PHF7: variants seen among roughly 807,000 people sequenced by gnomAD.
PHF7 encodes E3 ubiquitin-protein ligase PHF7.
In PHF7, 24 loss-of-function variants were observed where a neutral mutation model predicts 47.5. That is an observed-to-expected ratio of 0.51 (90% CI 0.37 to 0.71). The LOEUF (loss-of-function observed/expected upper bound fraction) is 0.71, where lower values mean the gene tolerates loss of function less well. PHF7 is among the 30% of genes least tolerant of loss of function. The pLI is 0.00. For missense variants in PHF7, 361 were observed against 456.8 expected (o/e 0.79, Z 1.91); for synonymous variants, 156 against 153.8 (o/e 1.01, Z -0.11).
chr3:52,419,944 T>C lies in PHF7; in HGVS notation c.288+10T>C, dbSNP rs771431281. 2.6e-6 allele frequency: 4 copies of C among 1,545,288 alleles called. No individual in the cohort carries two copies. In the African/African-American group the frequency reaches 5.5e-5, roughly 21 times the overall value. On this transcript the variant is annotated intron_variant, in intron 5 of 10. Transcript: ENST00000327906. ...CCGGGCTTCTAGGAAGGTTAGAATCTCTTGAAATGAGGACCTTGGGGTAGG... is the reference window on the plus strand; with the variant it reads ...CCGGGCTTCTAGGAAGGTTAGAATCCCTTGAAATGAGGACCTTGGGGTAGG...
At chr3:52,412,647 C>T (rs1453992388) in intron 1 of PHF7, among the ~76,000 whole-genome samples, 164 bp from the exon 2 acceptor site, 2 of 152,228 alleles carry the variant, frequency 1.3e-5, no homozygotes, top group Non-Finnish European at 2.9e-5. Context: ...ATGGTACCTA[C>T]TGCATGGCGT....
At position 52,420,987 on chromosome 3, in the gene PHF7, C is replaced by T. The variant is rs1705771252; in HGVS notation, c.498C>T (p.Asp166=). ...AAAGCTGCATCTTATGTTGTGAAGA[C>T]TTATCCCAACAGAGTGTTGAGAACA... ...GEESCILCCE[D]LSQQSVENIQ... The change falls in exon 7 of 11, where the codon GAC becomes GAT. Residue 166 remains aspartate (D), a synonymous_variant. Transcript: ENST00000327906. The T allele has an allele frequency of 6.2e-7, 1 of 1,613,166 alleles. No individual in the cohort carries two copies.
intron 4 of PHF7, among the ~76,000 whole-genome samples, chr3:52,417,863 G>C (rs1705669778): frequency 6.6e-6 from 1 of 152,134 alleles, no homozygotes; most frequent in South Asian, 2.1e-4. Flanking sequence ...CCCAACATCA[G>C]GGGACAGCAT....
chr3:52,416,615 A>G (rs1465564544), intron 4 of PHF7, among the ~76,000 whole-genome samples: 1 of 151,598 alleles, frequency 6.6e-6, no homozygotes, highest in Non-Finnish European at 1.5e-5. Flanking sequence ...CGAGCAGATC[A>G]AGAGGTCAGG....
chr3:52,415,999 C>T (rs1331110486), intron 4 of PHF7, among the ~76,000 whole-genome samples: 1 of 152,186 alleles, frequency 6.6e-6, no homozygotes, highest in African/African-American at 2.4e-5. Flanking sequence ...ACACTCCTAC[C>T]AGCAATTTAT....
rs764307417 is a variant in PHF7, at chr3:52,423,253, G to A, written c.1082G>A (p.Arg361Lys). The A allele has an allele frequency of 6.2e-7, 1 of 1,614,210 alleles. No homozygotes were observed. The highest frequency in any genetic ancestry group is 1.3e-5 in the African/African-American group (1 of 75,054). The change falls in exon 11 of 11, where the codon AGG (arginine) becomes AAG (lysine). Residue 361 changes from arginine (R) to lysine (K), a missense_variant. Coordinates refer to ENST00000327906, the MANE Select transcript of PHF7 (RefSeq NM_016483.7). ...LLEKPESSRG[R>K]RSYSWRSKGV... ...GAAAAGCCAGAGTCCTCTCGTGGCA[G>A]GAGGAGCTACTCCTGGAGGTCCAAG... is the stretch of plus-strand genomic sequence containing the variant.
chr3:52,413,801 C>T (rs1705537642), intron 2 of PHF7, among the ~76,000 whole-genome samples, 195 bp from the exon 3 acceptor site: 1 of 152,160 alleles, frequency 6.6e-6, no homozygotes, highest in African/African-American at 2.4e-5. Context: ...CACCACTGCC[C>T]TCCAGCCTGG....
In PHF7 at chr3:52,415,750, A is replaced by G. The variant is rs879328335; in HGVS notation, c.186+1163A>G. On this transcript the variant is annotated intron_variant, in intron 4 of 10. Transcript: ENST00000327906. ...TTATTACTTGGTAGTATTCGGTTGC[A>G]TGAATAAGTTACTATTTGCTTATCT... Among the ~76,000 whole-genome samples, 9 of 152,218 alleles carry G rather than the reference A, an allele frequency of 5.9e-5. No homozygotes were observed. The South Asian group carries it at 8.3e-4, about 14-fold the overall frequency.
chr3:52,423,368 C>T lies in PHF7; in HGVS notation c.*51C>T, dbSNP rs766799331. 1 of 1,235,990 alleles carries T rather than the reference C, an allele frequency of 8.1e-7. No individual in the cohort carries two copies. The highest frequency in any genetic ancestry group is 1.2e-6 in the Non-Finnish European group (1 of 854,230). 76.6% of individuals were successfully genotyped at this position (1,235,990 alleles called of 1,614,324 possible). On this transcript the variant is annotated 3_prime_UTR_variant, in exon 11 of 11. Transcript: ENST00000327906. ...CACAATAGGGTATGAAGCTGCGCTC[C>T]TCCATCGGGTTTGGGGAGGGAGCAC...
Position 52,419,913 on chromosome 3 carries a change from G to C in PHF7, c.267G>C (p.Glu89Asp), listed in dbSNP as rs1419953437. 10 of 1,607,540 alleles carry C rather than the reference G, an allele frequency of 6.2e-6. No individual in the cohort carries two copies. Among genetic ancestry groups the C allele is most frequent in the Non-Finnish European group, 8.5e-6 (10 of 1,176,058 alleles). ...HGFLPEDIKK[E>D]AARASRKICF... ...TTCTGCCTGAAGACATCAAAAAGGA[G>C]GCAGCCCGGGCTTCTAGGAAGGTTA... Residue 89 changes from glutamate (E) to aspartate (D), a missense_variant, in exon 5 of 11, where the codon GAG becomes GAC. Glu to Asp is a conservative substitution (Grantham distance 45, BLOSUM62 2). Coordinates refer to ENST00000327906, the MANE Select transcript of PHF7 (RefSeq NM_016483.7).
At chr3:52,422,696 A>G in intron 9 of PHF7, 64 bp from the exon 10 acceptor site, 1 of 1,589,510 alleles carries the variant, frequency 6.3e-7, no homozygotes, top group Non-Finnish European at 8.6e-7. Flanking sequence ...CCCATAGCAA[A>G]CATCCAAGCA....
rs145247091 is a variant in PHF7 at position 52,420,944 on chromosome 3, A to T, written c.455A>T (p.His152Leu). The stretch of plus-strand genomic sequence containing the variant: ...CATCGCCCAACACAGAACATCCAAC[A>T]TGGGCATGTGGGGGAGGAAAGCTGC... ...DKHRPTQNIQ[H>L]GHVGEESCIL... Residue 152 changes from histidine (H) to leucine (L), a missense_variant, in exon 7 of 11, where the codon CAT becomes CTT. Coordinates refer to ENST00000327906, the MANE Select transcript of PHF7 (RefSeq NM_016483.7). The T allele has an allele frequency of 3.7e-6, 6 of 1,613,288 alleles. No individual in the cohort carries two copies. In the Admixed American group the frequency reaches 5.0e-5, roughly 13 times the overall value.
Position 52,422,779 on chromosome 3 carries a change from T to C in PHF7, c.817T>C (p.Cys273Arg). The C allele has an allele frequency of 6.2e-7, 1 of 1,614,166 alleles. No homozygotes were observed. The highest frequency in any genetic ancestry group is 8.5e-7 in the Non-Finnish European group (1 of 1,180,002). ...CTCTAGGAGGTGGTGCCTCATTCTGTGTGCTACATGCGGATCCCACGGAAC... is the reference window on the plus strand; with the variant it reads ...CTCTAGGAGGTGGTGCCTCATTCTGCGTGCTACATGCGGATCCCACGGAAC... ...EDEGRWCLIL[C>R]ATCGSHGTHR... is the part of the protein sequence containing the mutation. Residue 273 changes from cysteine (C) to arginine (R), a missense_variant, in exon 10 of 11, where the codon TGT becomes CGT. Transcript: ENST00000327906.
rs777741413 is a variant in PHF7, at chr3:52,423,153, C to T, written c.982C>T (p.His328Tyr). The T allele has an allele frequency of 2.5e-6, 4 of 1,613,928 alleles. No individual in the cohort carries two copies. Among genetic ancestry groups the T allele is most frequent in the Admixed American group, 3.3e-5 (2 of 60,002 alleles). Reference sequence around the variant, plus strand: ...CAGCAGCACCTTCCACCCTGAGGAACATTTCTGCAGAGACAACACCTTGGA... The same window carrying T: ...CAGCAGCACCTTCCACCCTGAGGAATATTTCTGCAGAGACAACACCTTGGA... ...CCSSTFHPEE[H>Y]FCRDNTLEEN... Residue 328 changes from histidine to tyrosine, a missense_variant, in exon 11 of 11, where the codon CAT becomes TAT. Transcript: ENST00000327906.
rs777220961 is a variant in PHF7 at position 52,414,538 on chromosome 3, T to C, written c.137T>C (p.Leu46Ser). ...CGAGAACCTGGGGATCCCGAAAAAT[T>C]AGGGGAATTTCTTCAGAAAGACAAT... ...CLREPGDPEK[L>S]GEFLQKDNIS... The change falls in exon 4 of 11, where the codon TTA becomes TCA. Residue 46 changes from leucine to serine, a missense_variant. Transcript: ENST00000327906. 37 of 1,613,126 alleles carry C rather than the reference T, an allele frequency of 2.3e-5. No individual in the cohort carries two copies. Among genetic ancestry groups the C allele is most frequent in the Non-Finnish European group, 3.1e-5 (37 of 1,179,524 alleles).
intron 4 of PHF7, among the ~76,000 whole-genome samples, chr3:52,417,776 C>T (rs1430230657): frequency 6.6e-6 from 1 of 152,130 alleles, no homozygotes; most frequent in Non-Finnish European, 1.5e-5. Flanking sequence ...TTTATTTCTT[C>T]TTGCCTTGTT....
Position 52,419,952 on chromosome 3 carries a change from T to A in PHF7, c.288+18T>A. On this transcript the variant is annotated intron_variant, in intron 5 of 10. Coordinates refer to ENST00000327906, the MANE Select transcript of PHF7 (RefSeq NM_016483.7). ...CTAGGAAGGTTAGAATCTCTTGAAA[T>A]GAGGACCTTGGGGTAGGCCTCTTTT... 1 of 1,458,670 alleles carries A rather than the reference T, an allele frequency of 6.9e-7. No homozygotes were observed. Among genetic ancestry groups the A allele is most frequent in the South Asian group, 1.2e-5 (1 of 83,276 alleles). The allele number at this position is 1,458,670 out of a possible 1,614,324, so 90.4% of individuals were successfully genotyped here.
Position 52,412,801 on chromosome 3 carries a change from A to G in PHF7, c.-69-10A>G. On this transcript the variant is annotated splice_polypyrimidine_tract_variant and intron_variant, in intron 1 of 10. Transcript: ENST00000327906. ...TTAAATTGCTTACCAAACCCCATTT[A>G]TATTTATAGCTGGAAGAGCCTGTAT... The G allele has an allele frequency of 1.7e-6, 2 of 1,188,614 alleles. No individual in the cohort carries two copies. The highest frequency in any genetic ancestry group is 2.5e-6 in the Non-Finnish European group (2 of 811,536). 73.6% of individuals were successfully genotyped at this position (1,188,614 alleles called of 1,614,324 possible). A position where few individuals can be genotyped will look rare whatever the true frequency, so the allele number is the denominator to read the frequency against.
Position 52,410,974 on chromosome 3 carries a change from C to T in PHF7, c.-343C>T, listed in dbSNP as rs528038482. The T allele has an allele frequency of 3.3e-5, 5 of 152,390 alleles. No individual in the cohort carries two copies. In the South Asian group the frequency reaches 1.0e-3, roughly 32 times the overall value. The allele number at this position is 152,390 out of a possible 1,614,324, so 9.4% of individuals were successfully genotyped here. Reference sequence around the variant, plus strand: ...ACCGACACGTATTTTACAGATAAATCATTCTTGCGGCGGCGGGTCGAACAC... The same window carrying T: ...ACCGACACGTATTTTACAGATAAATTATTCTTGCGGCGGCGGGTCGAACAC... On this transcript the variant is annotated 5_prime_UTR_variant, in exon 1 of 11. Transcript: ENST00000327906.
Sources: gnomAD v4.1 joint callset for allele counts (sites outside exome capture counted in the v4.1 genomes callset) on GRCh38, gnomAD v4.1.1 for gene constraint, MANE v1.5 for transcripts, NCBI Gene and HGNC (gene_info 2026-07-23, HGNC 2026-07-21) for gene names.